Variants in SLC25A19 observed in about 807,000 individuals in gnomAD.
SLC25A19 encodes the protein solute carrier family 25 member 19.
In SLC25A19, 18 loss-of-function variants were observed where a neutral mutation model predicts 27.9. That is an observed-to-expected ratio of 0.64 (90% CI 0.45 to 0.96). SLC25A19 has a LOEUF of 0.96. Ranked by LOEUF, SLC25A19 falls within the 40% of genes least tolerant of loss-of-function variation. The pLI, the probability that SLC25A19 is intolerant of heterozygous loss-of-function variation, is 0.00. For missense variants in SLC25A19, 371 were observed against 418.3 expected, an observed-to-expected ratio of 0.89 and a Z score of 0.99; for synonymous variants, 169 against 167.1, an observed-to-expected ratio of 1.01 and a Z score of -0.09.
At chr17:75,283,743 A>G (rs951747719) in intron 4 of SLC25A19, 150 bp from the exon 5 acceptor site, 2 of 748,880 alleles carry the variant, frequency 2.7e-6, no homozygotes, top group East Asian at 2.7e-5. Flanking sequence ...CAGTGACAGC[A>G]TATGATAAAT....
In SLC25A19 at chr17:75,286,198, C is replaced by T. The variant is rs539320177; in HGVS notation, c.288+106G>A. 28 of 1,431,070 alleles carry T rather than the reference C, an allele frequency of 2.0e-5. No homozygotes were observed. In the East Asian group the frequency reaches 5.9e-4, roughly 30 times the overall value. The allele number at this position is 1,431,070 out of a possible 1,614,324, so 88.6% of individuals were successfully genotyped here. A position where few individuals can be genotyped will look rare whatever the true frequency, so the allele number is the denominator to read the frequency against. ...GGCAGGTGGGAAGCGTGGGGCCTGCCTCTTCCGTCCTGCCCTGCGCGGCAT... is the reference window on the plus strand; with the variant it reads ...GGCAGGTGGGAAGCGTGGGGCCTGCTTCTTCCGTCCTGCCCTGCGCGGCAT... On this transcript the variant is annotated intron_variant, in intron 4 of 7. Transcript: ENST00000416858.
chr17:75,286,221 C>A (rs1181696261), intron 4 of SLC25A19, 83 bp downstream of exon 4: 48 of 1,552,536 alleles, frequency 3.1e-5, no homozygotes, highest in Non-Finnish European at 4.0e-5. Flanking sequence ...CCCTGCGCGG[C>A]ATTCCTGCTT....
intron 5 of SLC25A19, among the ~76,000 whole-genome samples, chr17:75,280,485 C>T (rs1227995876): frequency 6.6e-6 from 1 of 152,048 alleles, no homozygotes; most frequent in Non-Finnish European, 1.5e-5. Flanking sequence ...GCCTGGCCAA[C>T]ATGTCAAAAT....
chr17:75,277,091 G>A (rs546329332), intron 7 of SLC25A19, among the ~76,000 whole-genome samples: 336 of 151,890 alleles, frequency 2.2e-3, no homozygotes, highest in Middle Eastern at 0.01. Context: ...CTGGGAAACA[G>A]AGTGAGACCC....
intron 5 of SLC25A19, among the ~76,000 whole-genome samples, chr17:75,280,826 C>G (rs556589108): frequency 1.3e-5 from 2 of 151,644 alleles, no homozygotes; most frequent in Non-Finnish European, 2.9e-5. Flanking sequence ...GTAGTCCCAG[C>G]TGCTTGGGAG....
chr17:75,276,599 C>A (rs1040420146), intron 7 of SLC25A19, among the ~76,000 whole-genome samples: 1 of 149,710 alleles, frequency 6.7e-6, no homozygotes, highest in Non-Finnish European at 1.5e-5. Flanking sequence ...AACTCCTGAC[C>A]TCAGGTGATC....
chr17:75,282,870 C>A (rs9797187), intron 5 of SLC25A19, among the ~76,000 whole-genome samples: 140,535 of 150,348 alleles, frequency 0.93, 66,173 homozygotes, highest in Non-Finnish European at 1. Flanking sequence ...AAATAAATAA[C>A]TAAAAATAAA....
Position 75,273,491 on chromosome 17 carries a change from T to C in SLC25A19, c.923A>G (p.Asn308Ser), listed in dbSNP as rs1432991150. The change falls in exon 8 of 8, where the codon AAT (asparagine) becomes AGT (serine). Residue 308 changes from asparagine to serine, a missense_variant. Coordinates refer to ENST00000416858, the MANE Select transcript of SLC25A19 (RefSeq NM_001126121.2). ...FMFFSYEFFC[N>S]VFHCMNRTAS... Reference sequence around the variant, plus strand: ...TGTCCTGTTCATGCAGTGGAAGACATTACAGAAGAATTCATACGAGAAGAA... The same window carrying C: ...TGTCCTGTTCATGCAGTGGAAGACACTACAGAAGAATTCATACGAGAAGAA... 1 of 1,614,128 alleles carries C rather than the reference T, an allele frequency of 6.2e-7. No individual in the cohort carries two copies. The highest frequency in any genetic ancestry group is 8.5e-7 in the Non-Finnish European group (1 of 1,180,034).
chr17:75,288,950 A>G (rs1368453386), intron 1 of SLC25A19: 1 of 152,280 alleles, frequency 6.6e-6, no homozygotes, highest in African/African-American at 2.4e-5. Flanking sequence ...TCTGGGCAGA[A>G]AGGAGGAGCA....
At chr17:75,288,956 G>A (rs894823580) in intron 1 of SLC25A19, 7 of 152,346 alleles carry the variant, frequency 4.6e-5, no homozygotes, top group African/African-American at 1.4e-4. Context: ...CAGAAAGGAG[G>A]AGCAAGCCCG....
At chr17:75,276,835 C>T (rs1457671004) in intron 7 of SLC25A19, among the ~76,000 whole-genome samples, 15 of 123,452 alleles carry the variant, frequency 1.2e-4, no homozygotes, top group South Asian at 5.6e-4. Flanking sequence ...CCACCACGCC[C>T]GGCTAATTTT....
rs67040059 is a variant in SLC25A19, at chr17:75,274,973, C to CTTT, written c.775-1337_775-1335dup. 8.7e-3 allele frequency among the ~76,000 whole-genome samples: 411 copies of CTTT among 47,222 alleles called. 34 individuals carry two copies. The highest frequency in any genetic ancestry group is 0.022 in the East Asian group (26 of 1,166). 31.0% of individuals were successfully genotyped at this position (47,222 alleles called of 152,430 possible). A position where few individuals can be genotyped will look rare whatever the true frequency, so the allele number is the denominator to read the frequency against. ...TAGTGAAATTACAAGGGATTTTGGTCTTTTTTTTTTTTTTTTTTTTTTTTT... is the reference window on the plus strand; with the variant it reads ...TAGTGAAATTACAAGGGATTTTGGTCTTTTTTTTTTTTTTTTTTTTTTTTTTTT... On this transcript the variant is annotated intron_variant, in intron 7 of 7. Coordinates refer to ENST00000416858, the MANE Select transcript of SLC25A19 (RefSeq NM_001126121.2).
intron 5 of SLC25A19, among the ~76,000 whole-genome samples, chr17:75,279,785 G>A (rs1189546687): frequency 6.6e-6 from 1 of 152,168 alleles, no homozygotes; most frequent in Non-Finnish European, 1.5e-5. Flanking sequence ...GGGATTACAG[G>A]CGAGAGCCAT....
intron 4 of SLC25A19, among the ~76,000 whole-genome samples, chr17:75,284,456 GCTAA>G (rs2145775994): frequency 6.6e-6 from 1 of 152,144 alleles, no homozygotes; most frequent in South Asian, 2.1e-4. Context: ...AATGTCACTG[GCTAA>G]CTTAGTTTTC....
Position 75,278,183 on chromosome 17 carries a change from C to T in SLC25A19, c.612G>A (p.Lys204=). ...TCTTTCCTTCGGCTGGTATGGCCCA[C>T]TTGTACAGGTGCTTCAAGGAGCTGT... ...SCYSSLKHLY[K]WAIPAEGKKN... is the part of the protein sequence containing the mutation. The change falls in exon 6 of 8, where the codon AAG becomes AAA. Residue 204 remains lysine (K), a synonymous_variant. Transcript: ENST00000416858. 1.2e-6 allele frequency: 2 copies of T among 1,613,910 alleles called. No individual in the cohort carries two copies. The highest frequency in any genetic ancestry group is 1.7e-6 in the Non-Finnish European group (2 of 1,180,034).
chr17:75,281,091 T>C (rs1294238434), intron 5 of SLC25A19, among the ~76,000 whole-genome samples: 1 of 151,062 alleles, frequency 6.6e-6, no homozygotes, highest in African/African-American at 2.4e-5. Flanking sequence ...ACTTGAGAGG[T>C]TGAGGCAGGA....
At chr17:75,277,666 A>T (rs963456656) in intron 6 of SLC25A19, among the ~76,000 whole-genome samples, 183 bp from the exon 7 acceptor site, 3 of 152,134 alleles carry the variant, frequency 2.0e-5, no homozygotes, top group Non-Finnish European at 4.4e-5. Flanking sequence ...AGAGCCAGAC[A>T]CGGCCACTTC....
At chr17:75,280,186 G>A (rs1263026046) in intron 5 of SLC25A19, among the ~76,000 whole-genome samples, 4 of 151,788 alleles carry the variant, frequency 2.6e-5, no homozygotes, top group African/African-American at 9.7e-5. Flanking sequence ...GGGCAACATG[G>A]TGAATGAAAC....
At position 75,286,684 on chromosome 17, in the gene SLC25A19, A is replaced by C. The variant is rs1245891217; in HGVS notation, c.81T>G (p.Leu27=). The change falls in exon 3 of 8, where the codon CTT becomes CTG. Residue 27 remains leucine, a synonymous_variant. Transcript: ENST00000416858. ...QVAVAGSVSG[L]VTRALISPFD... is the part of the protein sequence containing the mutation. ...AGGGACTGATCAGCGCCCGAGTAAC[A>C]AGTCCAGACACAGACCCAGCCACTG... The C allele has an allele frequency of 1.2e-6, 2 of 1,614,046 alleles. No homozygotes were observed. The highest frequency in any genetic ancestry group is 1.7e-6 in the Non-Finnish European group (2 of 1,180,040).
Sources: allele counts gnomAD v4.1 joint callset (sites outside exome capture counted in the v4.1 genomes callset), GRCh38; gene constraint gnomAD v4.1.1; transcripts MANE v1.5; gene names NCBI Gene and HGNC (gene_info 2026-07-23, HGNC 2026-07-21).